The following CNTNAP5 variants were observed in gnomAD, a reference collection of about 807,000 sequenced individuals.
CNTNAP5 encodes contactin associated protein family member 5.
A neutral mutation model predicts 150.2 loss-of-function variants in CNTNAP5; 72 were observed. The observed-to-expected ratio is 0.48, with a 90% CI of 0.40 to 0.58. The LOEUF (loss-of-function observed/expected upper bound fraction) is 0.58, where lower values mean the gene tolerates loss of function less well. CNTNAP5 is among the 20% of genes least tolerant of loss of function. The pLI, the probability that CNTNAP5 is intolerant of heterozygous loss-of-function variation, is 0.00. For synonymous variants in CNTNAP5, 672 were observed against 619.8 expected, an observed-to-expected ratio of 1.08 and a Z score of -1.25; for missense variants, 1,636 against 1,626.2, an observed-to-expected ratio of 1.01 and a Z score of -0.10.
chr2:124,310,064 T>A (rs1292144000), intron 3 of CNTNAP5, among the ~76,000 whole-genome samples: 15 of 152,090 alleles, frequency 9.9e-5, no homozygotes, highest in Non-Finnish European at 1.9e-4. Flanking sequence ...TACCTTTTTT[T>A]TTTTTTTATG....
chr2:124,479,810 C>G (rs1430409886), intron 7 of CNTNAP5, among the ~76,000 whole-genome samples: 2 of 152,094 alleles, frequency 1.3e-5, no homozygotes, highest in African/African-American at 4.8e-5. Flanking sequence ...GTTGTTCATC[C>G]CCACTCCATG....
chr2:124,485,632 A>AG (rs1005433662), intron 7 of CNTNAP5, among the ~76,000 whole-genome samples: 1 of 125,308 alleles, frequency 8.0e-6, no homozygotes, highest in Non-Finnish European at 1.6e-5. Context: ...AAAAAAAAAA[A>AG]AAGAAGAAGG....
intron 17 of CNTNAP5, among the ~76,000 whole-genome samples, chr2:124,777,451 C>T (rs1414364758): frequency 1.3e-5 from 2 of 152,050 alleles, no homozygotes; most frequent in Non-Finnish European, 2.9e-5. Context: ...CTCAGGATCT[C>T]AGCTCACTGA....
At chr2:124,635,025 A>G (rs1162202375) in intron 12 of CNTNAP5, among the ~76,000 whole-genome samples, 1 of 152,150 alleles carries the variant, frequency 6.6e-6, no homozygotes, top group African/African-American at 2.4e-5. Flanking sequence ...GAAATTCCCC[A>G]TTACCAGTAC....
chr2:124,056,819 T>C (rs1681862121), intron 1 of CNTNAP5, among the ~76,000 whole-genome samples: 1 of 152,190 alleles, frequency 6.6e-6, no homozygotes, highest in African/African-American at 2.4e-5. Context: ...TATGGGCCAG[T>C]CCACTTTTCT....
intron 19 of CNTNAP5, among the ~76,000 whole-genome samples, chr2:124,828,899 C>T (rs368332544): frequency 2.0e-5 from 3 of 151,906 alleles, no homozygotes; most frequent in Middle Eastern, 3.2e-3. Context: ...GTGTTTCAGC[C>T]CACAGCTTAC....
chr2:124,511,997 G>A (rs895062763), intron 8 of CNTNAP5, among the ~76,000 whole-genome samples: 1 of 151,486 alleles, frequency 6.6e-6, no homozygotes, highest in African/African-American at 2.4e-5. Context: ...ATGTTGGTAG[G>A]AGGGTTAACA....
chr2:124,397,156 GT>G (rs1001045468), intron 3 of CNTNAP5, among the ~76,000 whole-genome samples: 28 of 152,232 alleles, frequency 1.8e-4, no homozygotes, highest in Admixed American at 1.1e-3. Context: ...TAGTGAGCAA[GT>G]TTTTTTTCTA....
chr2:124,829,533 G>A (rs1345366351), intron 19 of CNTNAP5, among the ~76,000 whole-genome samples: 1 of 151,548 alleles, frequency 6.6e-6, no homozygotes. Flanking sequence ...GACTATACAA[G>A]GATACTAGAG....
chr2:124,462,354 T>C (rs1020209904), intron 6 of CNTNAP5, among the ~76,000 whole-genome samples: 3 of 152,208 alleles, frequency 2.0e-5, no homozygotes, highest in Non-Finnish European at 4.4e-5. Context: ...TTTAAGATTA[T>C]TGTGATTTGT....
intron 1 of CNTNAP5, among the ~76,000 whole-genome samples, chr2:124,129,176 T>A (rs1347220053): frequency 2.6e-5 from 4 of 152,168 alleles, no homozygotes; most frequent in African/African-American, 9.7e-5. Flanking sequence ...GGTGGTTGCA[T>A]CATACATTTG....
rs1272768642 is a variant in CNTNAP5, at chr2:124,357,867, G to A, written c.382-59576G>A. 3.7e-3 allele frequency among the ~76,000 whole-genome samples: 560 copies of A among 150,350 alleles called. 4 individuals carry two copies. The highest frequency in any genetic ancestry group is 0.013 in the African/African-American group (534 of 40,826). ...AGAAAGTCATTGGTAGCTTGATGGG[G>A]ATGGCATTGAATCTGTAAATTACCT... On this transcript the variant is annotated intron_variant, in intron 3 of 23. Transcript: ENST00000682447.
intron 3 of CNTNAP5, among the ~76,000 whole-genome samples, chr2:124,265,709 C>T (rs1213906444): frequency 2.6e-5 from 4 of 152,030 alleles, no homozygotes; most frequent in Non-Finnish European, 5.9e-5. Context: ...TGGAGGTGCA[C>T]ACTCTGGCTT....
intron 2 of CNTNAP5, 83 bp from the exon 3 acceptor site, chr2:124,242,117 T>G (rs1686901002): frequency 8.8e-7 from 1 of 1,142,094 alleles, no homozygotes; most frequent in Non-Finnish European, 1.3e-6. Flanking sequence ...TGAACACTGT[T>G]TCATTTCCCT....
chr2:124,829,017 A>G (rs2104678718), intron 19 of CNTNAP5, among the ~76,000 whole-genome samples: 1 of 152,268 alleles, frequency 6.6e-6, no homozygotes, highest in African/African-American at 2.4e-5. Context: ...CTCTGGTCAT[A>G]GATTACAAAG....
chr2:124,157,452 G>A (rs550513083), intron 1 of CNTNAP5, among the ~76,000 whole-genome samples: 46 of 152,096 alleles, frequency 3.0e-4, no homozygotes, highest in African/African-American at 9.9e-4. Context: ...TTGACTTTTC[G>A]GTTTCCTAGT....
At chr2:124,506,055 A>T (rs761559932) in intron 8 of CNTNAP5, among the ~76,000 whole-genome samples, 1 of 152,210 alleles carries the variant, frequency 6.6e-6, no homozygotes, top group African/African-American at 2.4e-5. Context: ...TAAAAGGAAG[A>T]AGCCAAGGCA....
chr2:124,874,972 G>C (rs1677824284), intron 21 of CNTNAP5, among the ~76,000 whole-genome samples: 1 of 151,956 alleles, frequency 6.6e-6, no homozygotes, highest in African/African-American at 2.4e-5. Flanking sequence ...AAAAAATACA[G>C]AAATTGAAAG....
intron 13 of CNTNAP5, among the ~76,000 whole-genome samples, chr2:124,733,995 T>C (rs1447032277): frequency 6.6e-6 from 1 of 152,098 alleles, no homozygotes; most frequent in Non-Finnish European, 1.5e-5. Context: ...GTGTGAAGCC[T>C]GAGTAGGAAG....
Sources: gnomAD v4.1 joint callset for allele counts (sites outside exome capture counted in the v4.1 genomes callset) on GRCh38, gnomAD v4.1.1 for gene constraint, MANE v1.5 for transcripts, NCBI Gene and HGNC (gene_info 2026-07-23, HGNC 2026-07-21) for gene names.